The following COL5A1 variants were observed in gnomAD, a reference collection of about 807,000 sequenced individuals.
The protein encoded by COL5A1 is collagen alpha-1(V) chain.
COL5A1 carries 16 observed loss-of-function variants against 263.7 expected under a neutral mutation model. The ratio of observed to expected loss-of-function variants is 0.06; its 90% CI spans 0.04 to 0.09. The LOEUF is 0.09. Among genes scored for constraint, COL5A1 ranks in the 10% least tolerant of loss-of-function variants. COL5A1 has a pLI of 1.00. For synonymous variants in COL5A1, 1,012 were observed against 1,004.5 expected (o/e 1.01, Z -0.14); for missense variants, 2,036 against 2,540.5 (o/e 0.80, Z 4.27).
At chr9:134,649,486 G>A (rs745793283) in intron 1 of COL5A1, 11 of 470,662 alleles carry the variant, frequency 2.3e-5, no homozygotes, top group African/African-American at 2.2e-4. Flanking sequence ...TTTATTTTCT[G>A]TTTCCTAGAC....
intron 64 of COL5A1, among the ~76,000 whole-genome samples, chr9:134,834,644 A>G (rs1336561190): frequency 6.6e-6 from 1 of 152,184 alleles, no homozygotes. Flanking sequence ...GGGCAGCCAC[A>G]GAGTAGGTGC....
At chr9:134,708,340 C>T in intron 4 of COL5A1, 1 of 327,500 alleles carries the variant, frequency 3.1e-6, no homozygotes, top group Admixed American at 4.3e-5. Context: ...GCAGTGTGTG[C>T]CTGCCCCTCC....
rs561309756 is a variant in COL5A1 at position 134,678,511 on chromosome 9, C to T, written c.110-12401C>T. 6.6e-5 allele frequency among the ~76,000 whole-genome samples: 10 copies of T among 152,334 alleles called. No homozygotes were observed. The highest frequency in any genetic ancestry group is 3.9e-4 in the East Asian group (2 of 5,188). On this transcript the variant is annotated intron_variant, in intron 1 of 65. Transcript: ENST00000371817. This position sits in a 1 kb window ranked among gnomAD's most constrained non-coding sequence, Gnocchi z 5.5. Reference sequence around the variant, plus strand: ...CAGGTGTGTTGGCTGGTGCCAGCCCCGGGAAGCTGTCTGCATCCCTGCAGG... The same window carrying T: ...CAGGTGTGTTGGCTGGTGCCAGCCCTGGGAAGCTGTCTGCATCCCTGCAGG...
Position 134,814,902 on chromosome 9 carries a change from C to A in COL5A1, c.4012C>A (p.Pro1338Thr). ...CGGAGATGATGGTCCCAAAGGCAGC[C>A]CTGTGAGTATTCCAGACACACCTCA... ...PPGDDGPKGS[P>T]GPVGFPGDPG... The change falls in exon 50 of 66, where the codon CCT becomes ACT. Residue 1338 changes from proline (P) to threonine (T), a missense_variant and splice_region_variant. Pro to Thr is a conservative substitution (Grantham distance 38, BLOSUM62 -1). Around this residue, in one of 3 missense-constraint regions of COL5A1, gnomAD observed 1,078 missense variants for 1,521.4 expected, o/e 0.71. Transcript: ENST00000371817. The A allele has an allele frequency of 6.5e-7, 1 of 1,549,986 alleles. No homozygotes were observed. Among genetic ancestry groups the A allele is most frequent in the East Asian group, 2.4e-5 (1 of 40,900 alleles).
At position 134,683,248 on chromosome 9, in the gene COL5A1, C is replaced by A. The variant is rs7849399; in HGVS notation, c.110-7664C>A. ...CCTGGCTGCAGGAGTCCTCGAACACCGGCAGAGAGGAAACCTGTGTGGCCA... is the reference window on the plus strand; with the variant it reads ...CCTGGCTGCAGGAGTCCTCGAACACAGGCAGAGAGGAAACCTGTGTGGCCA... On this transcript the variant is annotated intron_variant, in intron 1 of 65. Coordinates refer to ENST00000371817, the MANE Select transcript of COL5A1 (RefSeq NM_000093.5). 4.8e-3 allele frequency among the ~76,000 whole-genome samples: 735 copies of A among 152,328 alleles called. 7 individuals are homozygous for A. Among genetic ancestry groups the A allele is most frequent in the African/African-American group, 0.017 (692 of 41,578 alleles).
intron 11 of COL5A1, among the ~76,000 whole-genome samples, chr9:134,744,590 C>T (rs778355357): frequency 8.6e-5 from 13 of 151,976 alleles, no homozygotes; most frequent in Non-Finnish European, 1.5e-4. Flanking sequence ...CACACTTACA[C>T]ATGCACACTC....
intron 5 of COL5A1, 134 bp from the exon 6 acceptor site, chr9:134,728,536 C>A: frequency 8.0e-7 from 1 of 1,256,584 alleles, no homozygotes; most frequent in Non-Finnish European, 1.2e-6. Flanking sequence ...ATCCGGGGAC[C>A]CACAGGGAGG....
chr9:134,796,338 A>G (rs1837908031), intron 34 of COL5A1, 36 bp from the exon 35 acceptor site: 2 of 1,609,122 alleles, frequency 1.2e-6, no homozygotes, highest in East Asian at 2.2e-5. Context: ...AATAATAACA[A>G]TCATAAGCTT....
chr9:134,704,778 C>A (rs1833785186), intron 4 of COL5A1, among the ~76,000 whole-genome samples: 1 of 138,508 alleles, frequency 7.2e-6, no homozygotes, highest in Non-Finnish European at 1.6e-5. Context: ...CCTTCAGCTG[C>A]CCCAAGCATC....
chr9:134,793,823 C>T (rs1046084171), intron 32 of COL5A1, among the ~76,000 whole-genome samples: 1 of 152,286 alleles, frequency 6.6e-6, no homozygotes, highest in Middle Eastern at 3.4e-3. Context: ...GAGGATATCA[C>T]CATAGTAATT....
At chr9:134,694,863 CT>C (rs1447486927) in intron 2 of COL5A1, among the ~76,000 whole-genome samples, 1 of 152,170 alleles carries the variant, frequency 6.6e-6, no homozygotes, top group Non-Finnish European at 1.5e-5. Flanking sequence ...GCCTGAGACC[CT>C]GAAGGCAGCG....
At chr9:134,775,383 T>C (rs1425830018) in intron 27 of COL5A1, among the ~76,000 whole-genome samples, 1 of 152,248 alleles carries the variant, frequency 6.6e-6, no homozygotes, top group African/African-American at 2.4e-5. Context: ...TCTCCACCGA[T>C]AGCATCTGGG....
At chr9:134,770,589 A>G (rs1450284939) in intron 25 of COL5A1, among the ~76,000 whole-genome samples, 1 of 152,258 alleles carries the variant, frequency 6.6e-6, no homozygotes, top group Non-Finnish European at 1.5e-5. Context: ...GAGACGACAG[A>G]TGATTCTATC....
chr9:134,842,003 T>A lies in COL5A1; in HGVS notation c.5371-154T>A, dbSNP rs1488385756. On this transcript the variant is annotated intron_variant, in intron 65 of 65. Transcript: ENST00000371817. The surrounding 1 kb of genome is among the most constrained non-coding windows in gnomAD (Gnocchi z 5.8). ...AAATGCATGCTCTGATCAGCCATAT[T>A]TCCTCCAACACTTGCCCGGGCAAGC... Among the ~76,000 whole-genome samples the A allele has an allele frequency of 6.6e-6, 1 of 152,080 alleles. No individual in the cohort carries two copies. The highest frequency in any genetic ancestry group is 1.5e-5 in the Non-Finnish European group (1 of 68,014).
chr9:134,692,379 G>C (rs1445444967), intron 2 of COL5A1, among the ~76,000 whole-genome samples: 1 of 152,216 alleles, frequency 6.6e-6, no homozygotes, highest in Non-Finnish European at 1.5e-5. Context: ...GCCTCTGGAG[G>C]AGCGTTCATA....
At position 134,642,213 on chromosome 9, in the gene COL5A1, C is replaced by A. The variant is rs900216804; in HGVS notation, c.26C>A (p.Ala9Glu). ...ATGGACGTCCATACCCGCTGGAAAG[C>A]GCGCAGCGCGCTCCGCCCGGGCGCC... Reference protein sequence around the residue: MDVHTRWKARSALRPGAPL... With the variant: MDVHTRWKERSALRPGAPL... The change falls in exon 1 of 66, where the codon GCG becomes GAG. Residue 9 changes from alanine to glutamate, a missense_variant. By Grantham distance (107) the Ala-to-Glu change is moderately radical (BLOSUM62 -1). Around this residue, in one of 3 missense-constraint regions of COL5A1, gnomAD observed 600 missense variants for 634.5 expected, o/e 0.95. Transcript: ENST00000371817. The surrounding 1 kb of genome is among the most constrained non-coding windows in gnomAD (Gnocchi z 4.5). 34 of 1,303,136 alleles carry A rather than the reference C, an allele frequency of 2.6e-5. No individual in the cohort carries two copies. The African/African-American group carries it at 4.9e-4, about 19-fold the overall frequency. The allele number at this position is 1,303,136 out of a possible 1,614,324, so 80.7% of individuals were successfully genotyped here. A position where few individuals can be genotyped will look rare whatever the true frequency, so the allele number is the denominator to read the frequency against.
chr9:134,753,816 C>T lies in COL5A1; in HGVS notation c.1720-34C>T, dbSNP rs73558067. ...TTCCTGTGTTCTCGAGTCCCCACCT[C>T]GAGCAGACATTAACACACACCATGT... is the stretch of plus-strand genomic sequence containing the variant. On this transcript the variant is annotated intron_variant, in intron 14 of 65. Transcript: ENST00000371817. The T allele has an allele frequency of 0.22, 348,602 of 1,565,750 alleles. 41,227 individuals carry two copies. The highest frequency in any genetic ancestry group is 0.38 in the East Asian group (16,555 of 44,128).
intron 4 of COL5A1, among the ~76,000 whole-genome samples, chr9:134,715,372 A>C (rs1458825896): frequency 6.6e-6 from 1 of 152,160 alleles, no homozygotes; most frequent in East Asian, 1.9e-4. Context: ...ACACCAAGAC[A>C]TTCTATTGCC....
intron 46 of COL5A1, among the ~76,000 whole-genome samples, chr9:134,811,918 G>C (rs751169541): frequency 6.6e-6 from 1 of 152,168 alleles, no homozygotes; most frequent in African/African-American, 2.4e-5. Flanking sequence ...ATGTTTCATG[G>C]CCATGCCTTT....
Sources: gnomAD v4.1 joint callset for allele counts (sites outside exome capture counted in the v4.1 genomes callset) on GRCh38, gnomAD v4.1.1 for gene constraint, gnomAD v4.1.1 regional missense constraint, Gnocchi (gnomAD v3.1) non-coding constraint, MANE v1.5 for transcripts, NCBI Gene and HGNC (gene_info 2026-07-23, HGNC 2026-07-21) for gene names.